Variants in SYTL5 observed in about 807,000 individuals in gnomAD.
SYTL5 encodes synaptotagmin-like protein 5.
SYTL5 carries 34 observed loss-of-function variants against 55.9 expected under a neutral mutation model. The observed-to-expected ratio is 0.61, with a 90% CI of 0.46 to 0.81. The LOEUF (loss-of-function observed/expected upper bound fraction) is 0.81, where lower values mean the gene tolerates loss of function less well. Ranked by LOEUF, SYTL5 falls within the 30% of genes least tolerant of loss-of-function variation. The pLI is 0.00. For synonymous variants in SYTL5, 221 were observed against 188.7 expected (o/e 1.17, Z -1.40); for missense variants, 637 against 546.7 (o/e 1.17, Z -1.65).
intron 4 of SYTL5, among the ~76,000 whole-genome samples, chrX:38,072,863 G>C (rs143912853): frequency 0.012 from 1,295 of 112,140 alleles, 13 homozygotes; most frequent in African/African-American, 0.038. Flanking sequence ...CATGTTTCTC[G>C]TATATGGTGT....
intron 7 of SYTL5, among the ~76,000 whole-genome samples, chrX:38,091,790 TA>T (rs1936804533): frequency 8.9e-6 from 1 of 111,894 alleles, no homozygotes; most frequent in East Asian, 2.8e-4. Context: ...TTGAGATTAT[TA>T]GGGGGGAAAT....
At position 38,127,603 on chromosome X, in the gene SYTL5, G is replaced by A. The variant is rs1937688572; in HGVS notation, c.*873G>A. 9.0e-6 allele frequency: 1 copy of A among 111,665 alleles called. No individual in the cohort carries two copies. The highest frequency in any genetic ancestry group is 9.5e-5 in the Admixed American group (1 of 10,524). The allele number at this position is 111,665 out of a possible 1,213,427, so 9.2% of individuals were successfully genotyped here. ...TCTGTTCCTCTTCTGCCCTGTTATG[G>A]GAGAGAATCAAAGACTCCATCTGCT... On this transcript the variant is annotated 3_prime_UTR_variant, in exon 17 of 17. Transcript: ENST00000297875.
intron 6 of SYTL5, among the ~76,000 whole-genome samples, chrX:38,088,508 G>A (rs1477858356): frequency 1.8e-5 from 2 of 111,794 alleles, no homozygotes; most frequent in Non-Finnish European, 3.8e-5. Context: ...CTTAAACTCC[G>A]ACTTGTCAAA....
chrX:37,896,699 C>A, the SYTL5 span, among the ~76,000 whole-genome samples: 1 of 111,858 alleles, frequency 8.9e-6, no homozygotes, highest in African/African-American at 3.2e-5. Flanking sequence ...TGAGGCCATT[C>A]TGGATCATCT....
chrX:38,073,499 C>A, intron 4 of SYTL5, 91 bp from the exon 5 acceptor site: 1 of 654,049 alleles, frequency 1.5e-6, no homozygotes, highest in Non-Finnish European at 2.3e-6. Flanking sequence ...TTGCCCTGAG[C>A]TAATCTGGGA....
chrX:38,088,741 C>A (rs973179461), intron 6 of SYTL5, among the ~76,000 whole-genome samples: 2 of 112,199 alleles, frequency 1.8e-5, no homozygotes, highest in Non-Finnish European at 3.8e-5. Flanking sequence ...AATATAACTT[C>A]TAATCTTTGA....
the SYTL5 span, among the ~76,000 whole-genome samples, chrX:37,977,331 A>G: frequency 4.5e-5 from 5 of 110,822 alleles, no homozygotes; most frequent in Non-Finnish European, 9.4e-5. Context: ...TGGAAAAAAA[A>G]CATTTTGTAG....
the SYTL5 span, among the ~76,000 whole-genome samples, chrX:37,957,133 G>T: frequency 9.1e-6 from 1 of 110,178 alleles, no homozygotes; most frequent in Non-Finnish European, 1.9e-5. Flanking sequence ...TTTAAATTTG[G>T]TTGTTTTTCT....
chrX:38,076,488 C>T (rs1936393246), intron 5 of SYTL5, 79 bp from the exon 6 acceptor site: 1 of 846,235 alleles, frequency 1.2e-6, no homozygotes, highest in Non-Finnish European at 1.6e-6. Flanking sequence ...ATTAAAAGTA[C>T]TAGAAATTGT....
At chrX:38,070,064 T>C (rs1394056151) in intron 3 of SYTL5, among the ~76,000 whole-genome samples, 1 of 111,831 alleles carries the variant, frequency 8.9e-6, no homozygotes, top group Admixed American at 9.5e-5. Flanking sequence ...ACTATGGTCT[T>C]ACCTTTCAAT....
intron 2 of SYTL5, among the ~76,000 whole-genome samples, chrX:38,034,871 G>T (rs767524623): frequency 8.9e-6 from 1 of 112,153 alleles, no homozygotes; most frequent in East Asian, 2.8e-4. Context: ...AAAAAAAGGA[G>T]CAGAAATAGT....
At chrX:37,921,203 G>A in the SYTL5 span, among the ~76,000 whole-genome samples, 125 of 111,547 alleles carry the variant, frequency 1.1e-3, no homozygotes, top group African/African-American at 4.0e-3. Flanking sequence ...GTTAAGTAAC[G>A]TATTATCTCA....
At chrX:37,897,583 A>C in the SYTL5 span, among the ~76,000 whole-genome samples, 1 of 111,219 alleles carries the variant, frequency 9.0e-6, no homozygotes, top group East Asian at 2.8e-4. Context: ...GAAGTAAAAA[A>C]CTGACATGAG....
chrX:38,022,952 G>A (rs1375100207), intron 1 of SYTL5, among the ~76,000 whole-genome samples: 1 of 111,615 alleles, frequency 9.0e-6, no homozygotes, highest in East Asian at 2.8e-4. Context: ...TTTGAGTGTG[G>A]TTAGAGGATA....
At chrX:38,061,119 A>G in intron 3 of SYTL5, among the ~76,000 whole-genome samples, 1 of 112,357 alleles carries the variant, frequency 8.9e-6, no homozygotes, top group South Asian at 3.7e-4. Context: ...TAAGGAAGAA[A>G]CAGCTCTTTC....
chrX:38,080,832 A>G (rs1367771914), intron 6 of SYTL5, among the ~76,000 whole-genome samples: 1 of 111,763 alleles, frequency 8.9e-6, no homozygotes, highest in African/African-American at 3.3e-5. Context: ...TAAGGTGCCA[A>G]TTAGGTGGCA....
the SYTL5 span, among the ~76,000 whole-genome samples, chrX:37,907,891 TTTA>T: frequency 5.4e-5 from 6 of 110,200 alleles, no homozygotes; most frequent in African/African-American, 2.0e-4. Context: ...TATTTAATTT[TTTA>T]TTTTTTATTT....
chrX:38,011,010 T>C (rs1338212693), intron 1 of SYTL5, among the ~76,000 whole-genome samples: 1 of 111,229 alleles, frequency 9.0e-6, no homozygotes, highest in Admixed American at 9.6e-5. Flanking sequence ...AGATTTCAAA[T>C]CCAAGCAGCC....
At position 38,054,371 on chromosome X, in the gene SYTL5, G is replaced by A. The variant is rs1428323803; in HGVS notation, c.278G>A (p.Arg93Gln). 8 of 1,209,561 alleles carry A rather than the reference G, an allele frequency of 6.6e-6. No homozygotes were observed. The highest frequency in any genetic ancestry group is 3.5e-5 in the African/African-American group (2 of 57,047). ...TCACTGAGGGTATGCAGGGAGTGTCGAGTTGCAGGCCCCAATGGCAGCTGG... is the reference window on the plus strand; with the variant it reads ...TCACTGAGGGTATGCAGGGAGTGTCAAGTTGCAGGCCCCAATGGCAGCTGG... ...ACSLRVCREC[R>Q]VAGPNGSWKC... The change falls in exon 3 of 17, where the codon CGA becomes CAA. Residue 93 changes from arginine to glutamine, a missense_variant. By Grantham distance (43) the Arg-to-Gln change is conservative (BLOSUM62 1). Coordinates refer to ENST00000297875, the MANE Select transcript of SYTL5 (RefSeq NM_138780.3).
Sources: allele counts gnomAD v4.1 joint callset (sites outside exome capture counted in the v4.1 genomes callset), GRCh38; gene constraint gnomAD v4.1.1; transcripts MANE v1.5; gene names NCBI Gene and HGNC (gene_info 2026-07-23, HGNC 2026-07-21).